RIPOR1: variants seen among roughly 807,000 people sequenced by gnomAD.
RIPOR1 encodes RHO family interacting cell polarization regulator 1.
In RIPOR1, 58 loss-of-function variants were observed where a neutral mutation model predicts 116.5. The observed-to-expected ratio is 0.50, with a 90% CI of 0.40 to 0.62. The LOEUF is 0.62. RIPOR1 is among the 20% of genes least tolerant of loss of function. The pLI is 0.00. For missense variants in RIPOR1, 1,372 were observed against 1,586.2 expected, an observed-to-expected ratio of 0.86 and a Z score of 2.29; for synonymous variants, 605 against 650.0, an observed-to-expected ratio of 0.93 and a Z score of 1.05.
intron 1 of RIPOR1, among the ~76,000 whole-genome samples, chr16:67,535,139 A>G (rs1395053758): frequency 6.6e-6 from 1 of 152,096 alleles, no homozygotes; most frequent in Non-Finnish European, 1.5e-5. Context: ...CACCACACCC[A>G]GCCCGTTTTT....
upstream of RIPOR1, among the ~76,000 whole-genome samples, chr16:67,524,063 A>G (rs947904762): frequency 6.6e-6 from 1 of 152,188 alleles, no homozygotes; most frequent in Non-Finnish European, 1.5e-5. Context: ...TCAGAGGCAA[A>G]CAAAAAAAAA....
Position 67,529,751 on chromosome 16 carries a change from C to T in RIPOR1, c.-24+837C>T. The stretch of plus-strand genomic sequence containing the variant: ...CAGCCTCGTGTAACAATACTTGTGC[C>T]CTGGCTGCAGTCTGCGGGGCCGCGC... On this transcript the variant is annotated intron_variant, in intron 1 of 21. Transcript: ENST00000042381. The surrounding 1 kb of genome is among the most constrained non-coding windows in gnomAD (Gnocchi z 4.1). The T allele has an allele frequency of 3.3e-6, 5 of 1,534,178 alleles. No individual in the cohort carries two copies. Among genetic ancestry groups the T allele is most frequent in the Non-Finnish European group, 4.4e-6 (5 of 1,146,470 alleles).
Position 67,541,375 on chromosome 16 carries a change from C to T in RIPOR1, c.802-55C>T. 1 of 1,562,426 alleles carries T rather than the reference C, an allele frequency of 6.4e-7. No individual in the cohort carries two copies. The highest frequency in any genetic ancestry group is 1.2e-5 in the South Asian group (1 of 85,508). ...ATGCAAATTCAGACCTCAGATTTCC[C>T]ATGATCTCATAGCCCCTGCACCCTT... On this transcript the variant is annotated intron_variant, in intron 10 of 21. Transcript: ENST00000042381. The surrounding 1 kb of genome is among the most constrained non-coding windows in gnomAD (Gnocchi z 4.6).
At chr16:67,536,346 C>A (rs1288481289) in intron 1 of RIPOR1, among the ~76,000 whole-genome samples, 1 of 151,846 alleles carries the variant, frequency 6.6e-6, no homozygotes, top group Admixed American at 6.6e-5. Flanking sequence ...TATTTGGGAG[C>A]CTGAGGCAGG....
rs1384053876 is a variant in RIPOR1, at chr16:67,538,469, C to T, written c.23C>T (p.Pro8Leu). Residue 8 changes from proline to leucine, a missense_variant, in exon 2 of 22, where the codon CCG becomes CTG. By Grantham distance (98) the Pro-to-Leu change is moderately conservative (BLOSUM62 -3). Around this residue, in one of 3 missense-constraint regions of RIPOR1, gnomAD observed 165 missense variants for 145.5 expected, o/e 1.13. Coordinates refer to ENST00000042381, the MANE Select transcript of RIPOR1 (RefSeq NM_024519.4). MMSLSVR[P>L]QRRLLSARVN... ...TCTATGATGTCCCTGTCGGTGCGGCCGCAGCGCCGTCTGCTCAGCGCCCGG... is the reference window on the plus strand; with the variant it reads ...TCTATGATGTCCCTGTCGGTGCGGCTGCAGCGCCGTCTGCTCAGCGCCCGG... 4 of 1,609,504 alleles carry T rather than the reference C, an allele frequency of 2.5e-6. No homozygotes were observed. Among genetic ancestry groups the T allele is most frequent in the Admixed American group, 1.7e-5 (1 of 59,524 alleles).
chr16:67,519,010 C>T (rs978648245), intron 1 of RIPOR1, among the ~76,000 whole-genome samples: 5 of 152,246 alleles, frequency 3.3e-5, no homozygotes, highest in Admixed American at 6.5e-5. Context: ...CCAGGCCAGG[C>T]GCAGTGGCTC....
At chr16:67,533,715 C>G (rs972459541) in intron 1 of RIPOR1, among the ~76,000 whole-genome samples, 5 of 151,630 alleles carry the variant, frequency 3.3e-5, no homozygotes, top group Non-Finnish European at 7.4e-5. Flanking sequence ...AGGTAGACAT[C>G]TCTTCAAGAC....
At chr16:67,526,171 A>G (rs1033526901), upstream of RIPOR1, among the ~76,000 whole-genome samples, 14 of 152,184 alleles carry the variant, frequency 9.2e-5, no homozygotes, top group Non-Finnish European at 1.9e-4. Context: ...GGGTGCTCAG[A>G]GGACACAGGT....
Position 67,546,134 on chromosome 16 carries a change from CT to C in RIPOR1, c.3472-6del, listed in dbSNP as rs576150228. The C allele has an allele frequency of 2.6e-4, 414 of 1,613,706 alleles. 2 individuals carry two copies. In the African/African-American group the frequency reaches 5.0e-3, roughly 20 times the overall value. On this transcript the variant is annotated splice_polypyrimidine_tract_variant and splice_region_variant and intron_variant, in intron 20 of 21. Coordinates refer to ENST00000042381, the MANE Select transcript of RIPOR1 (RefSeq NM_024519.4). Reference sequence around the variant, plus strand: ...TGAGCCCACCTCAATGCTCCCTCCCCTGACAGGCTCCCGAGGGCATTGAGCC... The same window carrying C: ...TGAGCCCACCTCAATGCTCCCTCCCCGACAGGCTCCCGAGGGCATTGAGCC...
Position 67,542,823 on chromosome 16 carries a change from C to T in RIPOR1, c.2037C>T (p.Ser679=). 6.2e-7 allele frequency: 1 copy of T among 1,614,034 alleles called. No homozygotes were observed. The highest frequency in any genetic ancestry group is 8.5e-7 in the Non-Finnish European group (1 of 1,180,004). Residue 679 remains serine (S), a synonymous_variant, in exon 13 of 22, where the codon TCC becomes TCT. Transcript: ENST00000042381. This position sits in a 1 kb window ranked among gnomAD's most constrained non-coding sequence, Gnocchi z 4.6. ...TSPILINVSP[S]TSLELATLSS... The stretch of plus-strand genomic sequence containing the variant: ...CCATCCTTATAAATGTAAGCCCTTC[C>T]ACTTCTCTAGAACTTGCTACCCTCT...
chr16:67,541,268 C>A lies in RIPOR1; in HGVS notation c.802-162C>A. On this transcript the variant is annotated intron_variant, in intron 10 of 21. Coordinates refer to ENST00000042381, the MANE Select transcript of RIPOR1 (RefSeq NM_024519.4). This position sits in a 1 kb window ranked among gnomAD's most constrained non-coding sequence, Gnocchi z 4.6. ...TTTTTTTTTTTGAGACAGAGTCTTGCCATGTTGCCCAAGCTGGTCTTGAAC... is the reference window on the plus strand; with the variant it reads ...TTTTTTTTTTTGAGACAGAGTCTTGACATGTTGCCCAAGCTGGTCTTGAAC... The A allele has an allele frequency of 1.6e-6, 1 of 622,882 alleles. No homozygotes were observed. Among genetic ancestry groups the A allele is most frequent in the Non-Finnish European group, 2.7e-6 (1 of 375,536 alleles). 38.6% of individuals were successfully genotyped at this position (622,882 alleles called of 1,614,324 possible).
rs1284851435 is a variant in RIPOR1, at chr16:67,545,888, C to T, written c.3387+28C>T. The T allele has an allele frequency of 9.9e-6, 16 of 1,610,568 alleles. 1 individual carries two copies. Among genetic ancestry groups the T allele is most frequent in the Middle Eastern group, 1.6e-4 (1 of 6,066 alleles). The stretch of plus-strand genomic sequence containing the variant: ...GAGTTGGACAGGGCTCCCTTGAGGG[C>T]GAGGGCTGGGGTCCTGGACTCCCAC... On this transcript the variant is annotated intron_variant, in intron 19 of 21. Coordinates refer to ENST00000042381, the MANE Select transcript of RIPOR1 (RefSeq NM_024519.4). The surrounding 1 kb of genome is among the most constrained non-coding windows in gnomAD (Gnocchi z 4.8).
intron 1 of RIPOR1, chr16:67,538,041 CG>C (rs2050850286): frequency 4.9e-6 from 1 of 202,522 alleles, no homozygotes; most frequent in East Asian, 1.1e-4. Context: ...GGGGGGAAAT[CG>C]GGGGCAGGGC....
Position 67,546,432 on chromosome 16 carries a change from G to A in RIPOR1, c.3629G>A (p.Gly1210Glu), listed in dbSNP as rs2142647440. ...ESLDALPRIF[G>E]PGSMASTAF ...CTGGACGCCCTGCCCCGCATCTTTGGGCCTGGCAGCATGGCCAGCACAGCA... is the reference window on the plus strand; with the variant it reads ...CTGGACGCCCTGCCCCGCATCTTTGAGCCTGGCAGCATGGCCAGCACAGCA... Residue 1210 changes from glycine to glutamate, a missense_variant, in exon 22 of 22, where the codon GGG (glycine) becomes GAG (glutamate). Transcript: ENST00000042381. The A allele has an allele frequency of 1.2e-6, 2 of 1,614,058 alleles. No homozygotes were observed. The highest frequency in any genetic ancestry group is 1.7e-6 in the Non-Finnish European group (2 of 1,180,018).
intron 1 of RIPOR1, among the ~76,000 whole-genome samples, chr16:67,536,085 C>T (rs745842563): frequency 1.3e-5 from 2 of 152,056 alleles, no homozygotes; most frequent in Non-Finnish European, 2.9e-5. Flanking sequence ...AGCATCCAGC[C>T]CCTCCAAGGT....
At chr16:67,520,590 C>T (rs552194132) in intron 1 of RIPOR1, among the ~76,000 whole-genome samples, 3 of 151,804 alleles carry the variant, frequency 2.0e-5, no homozygotes, top group Non-Finnish European at 4.4e-5. Context: ...ATCATTAGGT[C>T]AAGAGTTTGA....
intron 1 of RIPOR1, among the ~76,000 whole-genome samples, chr16:67,536,754 C>T (rs900490489): frequency 2.6e-5 from 4 of 152,126 alleles, no homozygotes; most frequent in Non-Finnish European, 4.4e-5. Context: ...CACTTTCAGC[C>T]TCTCTTCTCA....
Position 67,543,665 on chromosome 16 carries a change from T to G in RIPOR1, c.2600+196T>G, listed in dbSNP as rs1477233314. 24 of 703,732 alleles carry G rather than the reference T, an allele frequency of 3.4e-5. No homozygotes were observed. Among genetic ancestry groups the G allele is most frequent in the Non-Finnish European group, 2.9e-5 (12 of 417,338 alleles). 43.6% of individuals were successfully genotyped at this position (703,732 alleles called of 1,614,324 possible). The stretch of plus-strand genomic sequence containing the variant: ...ACCCCTCCCATGTCCTTCATGCCCA[T>G]GTCTCCAACCCTACGTGTGTCCCCA... On this transcript the variant is annotated intron_variant, in intron 14 of 21. Transcript: ENST00000042381. The surrounding 1 kb of genome is among the most constrained non-coding windows in gnomAD (Gnocchi z 4.7).
Position 67,541,874 on chromosome 16 carries a change from TGC to T in RIPOR1, c.1090_1091del (p.Arg364ThrfsTer16). On this transcript the variant is annotated frameshift_variant, in exon 13 of 22. Transcript: ENST00000042381. LOFTEE classifies it high-confidence loss of function. This position sits in a 1 kb window ranked among gnomAD's most constrained non-coding sequence, Gnocchi z 4.6. ...CCCTCTCCTCTTTCTCAGAACATGC[TGC>T]GACGGCAGGAGGAGCTGGAGAATGG... 6.2e-7 allele frequency: 1 copy of T among 1,609,824 alleles called. No homozygotes were observed. The highest frequency in any genetic ancestry group is 1.1e-5 in the South Asian group (1 of 91,050).
Sources: gnomAD v4.1 joint callset for allele counts (sites outside exome capture counted in the v4.1 genomes callset) on GRCh38, gnomAD v4.1.1 for gene constraint, gnomAD v4.1.1 regional missense constraint, Gnocchi (gnomAD v3.1) non-coding constraint, MANE v1.5 for transcripts, NCBI Gene and HGNC (gene_info 2026-07-23, HGNC 2026-07-21) for gene names.